SGIP1: variants seen among roughly 807,000 people sequenced by gnomAD.
The protein encoded by SGIP1 is SH3GL interacting endocytic adaptor 1.
A neutral mutation model predicts 107.5 loss-of-function variants in SGIP1; 38 were observed. That is an observed-to-expected ratio of 0.35 (90% CI 0.27 to 0.46). The LOEUF is 0.46. Among genes scored for constraint, SGIP1 ranks in the 20% least tolerant of loss-of-function variants. The pLI is 1.00. For missense variants in SGIP1, 929 were observed against 1,019.5 expected (o/e 0.91, Z 1.21); for synonymous variants, 365 against 366.1 (o/e 1.00, Z 0.03).
chr1:66,683,700 C>CTTTTCTTTTTTTTTTTTT (rs2087379165), intron 15 of SGIP1, among the ~76,000 whole-genome samples: 2 of 61,396 alleles, frequency 3.3e-5, no homozygotes, highest in Admixed American at 2.5e-4. Context: ...TGTTTCTTTT[C>CTTTTCTTTTTTTTTTTTT]TTTTTTTTTT....
chr1:66,614,240 C>G (rs2068679559), intron 1 of SGIP1, among the ~76,000 whole-genome samples: 2 of 152,248 alleles, frequency 1.3e-5, no homozygotes, highest in Admixed American at 1.3e-4. Context: ...AATCTGCAAG[C>G]CTGCCAAGGG....
At chr1:66,549,054 C>T (rs536884798) in intron 1 of SGIP1, among the ~76,000 whole-genome samples, 14 of 152,246 alleles carry the variant, frequency 9.2e-5, no homozygotes, top group Admixed American at 8.5e-4. Flanking sequence ...AGTTAAAAAA[C>T]ACTTGGGTTC....
chr1:66,642,701 C>A, intron 5 of SGIP1, 109 bp from the exon 6 acceptor site: 1 of 896,718 alleles, frequency 1.1e-6, no homozygotes, highest in Non-Finnish European at 1.6e-6. Context: ...ACTTCATCTC[C>A]TAAAAGAAAA....
At chr1:66,596,522 T>G (rs115527039) in intron 1 of SGIP1, among the ~76,000 whole-genome samples, 3 of 151,774 alleles carry the variant, frequency 2.0e-5, no homozygotes, top group Non-Finnish European at 4.4e-5. Context: ...ATATGTAAAA[T>G]AGGTGAAAGG....
intron 17 of SGIP1, among the ~76,000 whole-genome samples, chr1:66,692,123 C>T (rs934715036): frequency 2.1e-5 from 3 of 143,988 alleles, no homozygotes; most frequent in Non-Finnish European, 4.5e-5. Context: ...CGTACCACTG[C>T]ATACTCCAGC....
At chr1:66,668,545 A>G (rs1471408546) in intron 9 of SGIP1, among the ~76,000 whole-genome samples, 3 of 152,298 alleles carry the variant, frequency 2.0e-5, no homozygotes, top group African/African-American at 7.2e-5. Flanking sequence ...GTTTGAAATG[A>G]TCCCCATTTA....
At chr1:66,682,440 G>T in intron 15 of SGIP1, 71 bp downstream of exon 15, 1 of 1,527,168 alleles carries the variant, frequency 6.5e-7, no homozygotes, top group Non-Finnish European at 8.8e-7. Flanking sequence ...GAGCAACACC[G>T]TCCTCCTGCC....
chr1:66,576,336 T>C (rs1279970462), intron 1 of SGIP1, among the ~76,000 whole-genome samples: 2 of 152,148 alleles, frequency 1.3e-5, no homozygotes, highest in South Asian at 4.1e-4. Flanking sequence ...GCCCAAGTAG[T>C]TGAACAGTGT....
chr1:66,682,201 G>C lies in SGIP1; in HGVS notation c.1147G>C (p.Val383Leu), dbSNP rs750814976. 6.2e-7 allele frequency: 1 copy of C among 1,614,106 alleles called. No homozygotes were observed. Among genetic ancestry groups the C allele is most frequent in the Non-Finnish European group, 8.5e-7 (1 of 1,180,048 alleles). The change falls in exon 15 of 25, where the codon GTC becomes CTC. Residue 383 changes from valine (V) to leucine (L), a missense_variant. Val to Leu is a conservative substitution (Grantham distance 32). Coordinates refer to ENST00000371037, the MANE Select transcript of SGIP1 (RefSeq NM_032291.4). ...CAATTTAGAAGAAGTCCAGAAGAAA[G>C]TCGCTGAGCAGACCTTCATTAAAGA... ...PLNLEEVQKK[V>L]AEQTFIKDDY... is the part of the protein sequence containing the mutation.
chr1:66,545,776 G>A (rs2148148242), intron 1 of SGIP1, among the ~76,000 whole-genome samples: 1 of 152,152 alleles, frequency 6.6e-6, no homozygotes, highest in East Asian at 1.9e-4. Flanking sequence ...AGGCTGGCAG[G>A]CCAGTAACTC....
chr1:66,727,842 A>C (rs1021552073), intron 19 of SGIP1, among the ~76,000 whole-genome samples: 2 of 152,174 alleles, frequency 1.3e-5, no homozygotes, highest in Non-Finnish European at 2.9e-5. Context: ...AAGCATATTA[A>C]CTCTTGCCTA....
At chr1:66,735,026 C>G (rs537508138) in intron 21 of SGIP1, among the ~76,000 whole-genome samples, 2 of 152,020 alleles carry the variant, frequency 1.3e-5, no homozygotes, top group East Asian at 3.9e-4. Flanking sequence ...CAGTCACCAC[C>G]TTATGCAATC....
rs978822194 is a variant in SGIP1 at position 66,672,055 on chromosome 1, A to C, written c.560+60A>C. 3.3e-6 allele frequency: 5 copies of C among 1,515,058 alleles called. No individual in the cohort carries two copies. The Admixed American group carries it at 8.5e-5, about 26-fold the overall frequency. The allele number at this position is 1,515,058 out of a possible 1,614,324, so 93.9% of individuals were successfully genotyped here. A position where few individuals can be genotyped will look rare whatever the true frequency, so the allele number is the denominator to read the frequency against. The stretch of plus-strand genomic sequence containing the variant: ...AGGCATCATGAACTTTTAACAATTA[A>C]GCAAATCTCCTTTGAGCTAAACTCT... On this transcript the variant is annotated intron_variant, in intron 11 of 24. Transcript: ENST00000371037.
At chr1:66,609,553 G>A (rs564515080) in intron 1 of SGIP1, among the ~76,000 whole-genome samples, 1 of 152,324 alleles carries the variant, frequency 6.6e-6, no homozygotes, top group East Asian at 1.9e-4. Context: ...GCCACACCAA[G>A]TAAGGAGTTC....
chr1:66,622,445 ATC>A (rs980495680), intron 1 of SGIP1, among the ~76,000 whole-genome samples: 1 of 152,170 alleles, frequency 6.6e-6, no homozygotes, highest in African/African-American at 2.4e-5. Context: ...CGATTTCCAC[ATC>A]TGTTACTTTA....
intron 2 of SGIP1, among the ~76,000 whole-genome samples, chr1:66,630,810 A>G (rs1016178300): frequency 1.9e-4 from 1 of 5,284 alleles, no homozygotes. Flanking sequence ...CCGGAAAGAA[A>G]GAAAGAAAGA....
intron 5 of SGIP1, among the ~76,000 whole-genome samples, chr1:66,641,170 A>C (rs377334632): frequency 1.3e-5 from 2 of 152,192 alleles, no homozygotes. Context: ...TATCTAATGT[A>C]CTAAAAATTT....
chr1:66,599,016 G>A (rs2065239444), intron 1 of SGIP1, among the ~76,000 whole-genome samples: 1 of 152,050 alleles, frequency 6.6e-6, no homozygotes, highest in Non-Finnish European at 1.5e-5. Flanking sequence ...AGAAGGCAGT[G>A]TTCTACCCAG....
intron 18 of SGIP1, among the ~76,000 whole-genome samples, chr1:66,713,608 G>A (rs1361088003): frequency 6.6e-6 from 1 of 152,010 alleles, no homozygotes; most frequent in Non-Finnish European, 1.5e-5. Context: ...ACTTCATGTA[G>A]TGTTTCATTT....
Sources: allele counts gnomAD v4.1 joint callset (sites outside exome capture counted in the v4.1 genomes callset), GRCh38; gene constraint gnomAD v4.1.1; transcripts MANE v1.5; gene names NCBI Gene and HGNC (gene_info 2026-07-23, HGNC 2026-07-21).